PLA2G7: variants seen among roughly 807,000 people sequenced by gnomAD.
PLA2G7 encodes phospholipase A2 group VII.
Under a neutral mutation model 49.6 loss-of-function variants are expected in PLA2G7, and 63 were observed. The ratio of observed to expected loss-of-function variants is 1.27; its 90% CI spans 1.04 to 1.57. The LOEUF (loss-of-function observed/expected upper bound fraction) is 1.57, where lower values mean the gene tolerates loss of function less well. PLA2G7 is among the 40% of genes most tolerant of loss of function. The pLI, the probability that PLA2G7 is intolerant of heterozygous loss-of-function variation, is 0.00. For synonymous variants in PLA2G7, 193 were observed against 169.9 expected (o/e 1.14, Z -1.06); for missense variants, 596 against 521.2 (o/e 1.14, Z -1.40).
intron 2 of PLA2G7, among the ~76,000 whole-genome samples, chr6:46,718,993 C>T (rs1300572171): frequency 6.6e-6 from 1 of 152,240 alleles, no homozygotes; most frequent in African/African-American, 2.4e-5. Flanking sequence ...TCATCCACTC[C>T]TAAAACTACT....
rs199652953 is a variant in PLA2G7 at position 46,714,543 on chromosome 6, T to A, written c.387A>T (p.Thr129=). Residue 129 remains threonine (T), a synonymous_variant, in exon 5 of 12, where the codon ACA becomes ACT. Coordinates refer to ENST00000274793, the MANE Select transcript of PLA2G7 (RefSeq NM_005084.4). Reference sequence around the variant, plus strand: ...GAGGGGAATTCCAGTTTGCAGGAGTTGTCATTGAACCTAGACAACAATGGA... The same window carrying A: ...GAGGGGAATTCCAGTTTGCAGGAGTAGTCATTGAACCTAGACAACAATGGA... ...NILRLLFGSM[T]TPANWNSPLR... 1.5e-4 allele frequency: 239 copies of A among 1,603,082 alleles called. 2 individuals carry two copies. In the South Asian group the frequency reaches 2.4e-3, roughly 16 times the overall value.
chr6:46,714,603 G>T (rs1416192318), intron 4 of PLA2G7, 50 bp from the exon 5 acceptor site: 2 of 1,085,922 alleles, frequency 1.8e-6, no homozygotes, highest in Non-Finnish European at 1.4e-6. Context: ...AGTGTTGCTA[G>T]TGAATTTAAT....
At chr6:46,710,417 G>A in intron 8 of PLA2G7, 128 bp downstream of exon 8, 1 of 697,772 alleles carries the variant, frequency 1.4e-6, no homozygotes, top group South Asian at 1.5e-5. Flanking sequence ...GTGTCTGTGT[G>A]TGCGCATTGG....
At chr6:46,709,731 TA>T (rs1399403036) in intron 8 of PLA2G7, among the ~76,000 whole-genome samples, 1 of 152,168 alleles carries the variant, frequency 6.6e-6, no homozygotes. Flanking sequence ...ACCCCATGTT[TA>T]TTTGTTTGTT....
intron 10 of PLA2G7, 24 bp downstream of exon 10, chr6:46,707,967 A>T (rs1409560691): frequency 7.0e-7 from 1 of 1,438,000 alleles, no homozygotes; most frequent in Non-Finnish European, 9.8e-7. Context: ...GTTTCACATA[A>T]TGAAATAAGT....
At chr6:46,733,028 C>A (rs566861024) in intron 1 of PLA2G7, among the ~76,000 whole-genome samples, 1 of 152,124 alleles carries the variant, frequency 6.6e-6, no homozygotes, top group Non-Finnish European at 1.5e-5. Flanking sequence ...CCAATATCCA[C>A]CTTCCTTTCC....
At chr6:46,713,800 T>A (rs1765110825) in intron 5 of PLA2G7, among the ~76,000 whole-genome samples, 3 of 152,156 alleles carry the variant, frequency 2.0e-5, no homozygotes, top group Admixed American at 2.0e-4. Flanking sequence ...CTCCTGCCCC[T>A]CTGTATCCAT....
In PLA2G7 at chr6:46,723,969, C is replaced by T. The variant is rs1312956065; in HGVS notation, c.-34-1044G>A. 2.0e-5 allele frequency among the ~76,000 whole-genome samples: 3 copies of T among 152,180 alleles called. No homozygotes were observed. In the East Asian group the frequency reaches 5.8e-4, roughly 29 times the overall value. On this transcript the variant is annotated intron_variant, in intron 1 of 11. Coordinates refer to ENST00000274793, the MANE Select transcript of PLA2G7 (RefSeq NM_005084.4). ...ACTTGCTTCTTTGCCATTCACCAAA[C>T]ATGCCAAGTACTCCACACCCACCTT...
intron 1 of PLA2G7, among the ~76,000 whole-genome samples, chr6:46,732,313 C>T (rs1765757970): frequency 6.6e-6 from 1 of 151,906 alleles, no homozygotes; most frequent in African/African-American, 2.4e-5. Flanking sequence ...AGAGAAGTCT[C>T]TCCTCACAAT....
chr6:46,704,761 CT>C (rs1764748104), intron 11 of PLA2G7, 65 bp from the exon 12 acceptor site: 1 of 982,780 alleles, frequency 1.0e-6, no homozygotes, highest in Non-Finnish European at 1.6e-6. Flanking sequence ...TTTGGTGCCC[CT>C]AGGTGGCAAT....
rs369552496 is a variant in PLA2G7 at position 46,705,317 on chromosome 6, A to G, written c.1041-16T>C. On this transcript the variant is annotated splice_polypyrimidine_tract_variant and intron_variant, in intron 10 of 11. Transcript: ENST00000274793. ...GACTGAACCCCTAAAAGAGAACAAG[A>G]CATTTAAAAGTCACATTGTTTGATA... 2.5e-6 allele frequency: 4 copies of G among 1,605,748 alleles called. No individual in the cohort carries two copies. In the African/African-American group the frequency reaches 5.4e-5, roughly 21 times the overall value.
chr6:46,727,281 C>A (rs192286413), intron 1 of PLA2G7, among the ~76,000 whole-genome samples: 191 of 152,284 alleles, frequency 1.3e-3, no homozygotes, highest in African/African-American at 4.3e-3. Context: ...CTTTTCGAAA[C>A]AAAAGACAAC....
intron 5 of PLA2G7, among the ~76,000 whole-genome samples, 166 bp downstream of exon 5, chr6:46,714,294 A>C (rs1040269908): frequency 1.3e-5 from 2 of 152,188 alleles, no homozygotes; most frequent in Admixed American, 6.5e-5. Flanking sequence ...CTACTTGACC[A>C]GACAGGTCTA....
chr6:46,707,607 C>T (rs926700187), intron 10 of PLA2G7, among the ~76,000 whole-genome samples: 1 of 152,156 alleles, frequency 6.6e-6, no homozygotes, highest in African/African-American at 2.4e-5. Flanking sequence ...GCTCATGCCC[C>T]GGTTGCCTTC....
rs1765199936 is a variant in PLA2G7, at chr6:46,716,377, A to C, written c.376+7T>G. On this transcript the variant is annotated splice_region_variant and intron_variant, in intron 4 of 11. Coordinates refer to ENST00000274793, the MANE Select transcript of PLA2G7 (RefSeq NM_005084.4). ...AGCCTACAAAGAAGGATCAACAGAA[A>C]TCTTACCAAAGAGTAACCTCAAAAT... The C allele has an allele frequency of 6.2e-7, 1 of 1,614,000 alleles. No homozygotes were observed. Among genetic ancestry groups the C allele is most frequent in the Non-Finnish European group, 8.5e-7 (1 of 1,179,886 alleles).
chr6:46,725,371 A>G (rs911836251), intron 1 of PLA2G7, among the ~76,000 whole-genome samples: 1 of 151,908 alleles, frequency 6.6e-6, no homozygotes, highest in Non-Finnish European at 1.5e-5. Context: ...AGCTGGGACT[A>G]TAGGTGCCCA....
chr6:46,728,016 G>A (rs1218476948), intron 1 of PLA2G7, among the ~76,000 whole-genome samples: 1 of 152,118 alleles, frequency 6.6e-6, no homozygotes, highest in Non-Finnish European at 1.5e-5. Flanking sequence ...AGCAGCAATA[G>A]AAAACTAATA....
intron 8 of PLA2G7, among the ~76,000 whole-genome samples, chr6:46,709,974 G>A (rs1478902336): frequency 6.6e-6 from 1 of 152,190 alleles, no homozygotes; most frequent in African/African-American, 2.4e-5. Context: ...AAATTAGGTA[G>A]GAGTTAGGCA....
chr6:46,721,144 A>C (rs1765387439), intron 2 of PLA2G7, among the ~76,000 whole-genome samples: 1 of 152,040 alleles, frequency 6.6e-6, no homozygotes, highest in African/African-American at 2.4e-5. Context: ...GGGTTCAAGC[A>C]ATTCTCCTGC....
Sources: allele counts gnomAD v4.1 joint callset (sites outside exome capture counted in the v4.1 genomes callset), GRCh38; gene constraint gnomAD v4.1.1; transcripts MANE v1.5; gene names NCBI Gene and HGNC (gene_info 2026-07-23, HGNC 2026-07-21).